CACNA1D: variants seen among roughly 807,000 people sequenced by gnomAD.
The protein encoded by CACNA1D is voltage-dependent L-type calcium channel subunit alpha-1D.
A neutral mutation model predicts 257.1 loss-of-function variants in CACNA1D; 55 were observed. That is an observed-to-expected ratio of 0.21 (90% confidence interval 0.17 to 0.27). The LOEUF (loss-of-function observed/expected upper bound fraction) is 0.27, where lower values mean the gene tolerates loss of function less well. CACNA1D is among the 10% of genes least tolerant of loss of function. The probability of loss-of-function intolerance (pLI) is 1.00; values close to 1 mark genes in which losing one functional copy is unlikely to be tolerated. For missense variants in CACNA1D, 1,876 were observed against 2,784.0 expected (o/e 0.67, Z 7.34); for synonymous variants, 980 against 1,014.9 (o/e 0.97, Z 0.65).
chr3:53,606,014 C>T (rs768781118), intron 3 of CACNA1D, among the ~76,000 whole-genome samples: 14 of 152,148 alleles, frequency 9.2e-5, no homozygotes, highest in African/African-American at 1.9e-4. Flanking sequence ...ACTGTTACCC[C>T]GTGACTTAAA....
At chr3:53,625,340 A>G (rs2093744865) in intron 3 of CACNA1D, among the ~76,000 whole-genome samples, 1 of 152,130 alleles carries the variant, frequency 6.6e-6, no homozygotes, top group African/African-American at 2.4e-5. Flanking sequence ...GAGTTGGTGG[A>G]GGTATTCCCA....
At chr3:53,670,367 C>T (rs979262948) in intron 7 of CACNA1D, among the ~76,000 whole-genome samples, 8 of 151,994 alleles carry the variant, frequency 5.3e-5, no homozygotes, top group Non-Finnish European at 7.4e-5. Flanking sequence ...TTTTTTGAGA[C>T]GGAGTTTTGC....
intron 3 of CACNA1D, among the ~76,000 whole-genome samples, chr3:53,554,569 G>A (rs139003425): frequency 3.3e-5 from 5 of 152,254 alleles, no homozygotes; most frequent in East Asian, 1.9e-4. Flanking sequence ...CTTAGATTTC[G>A]TTACCGTTTC....
intron 8 of CACNA1D, among the ~76,000 whole-genome samples, chr3:53,696,866 T>G (rs531257193): frequency 3.5e-4 from 54 of 152,296 alleles, no homozygotes; most frequent in African/African-American, 1.3e-3. Context: ...GCATCTGACC[T>G]TCATCCTTGA....
chr3:53,584,039 T>C (rs998795664), intron 3 of CACNA1D, among the ~76,000 whole-genome samples: 4 of 152,092 alleles, frequency 2.6e-5, no homozygotes, highest in Admixed American at 6.6e-5. Context: ...ATAGGTGGGG[T>C]CTGGACATCC....
At position 53,784,068 on chromosome 3, in the gene CACNA1D, A is replaced by C. The variant is rs2095440220; in HGVS notation, c.4792+2401A>C. Among the ~76,000 whole-genome samples the C allele has an allele frequency of 2.0e-5, 3 of 152,336 alleles. No individual in the cohort carries two copies. In the South Asian group the frequency reaches 6.2e-4, roughly 32 times the overall value. ...TGTGGCCTGGCTCCTCATGAGCCTGATGATGAGATCAGGAATGAGCTGTGG... is the reference window on the plus strand; with the variant it reads ...TGTGGCCTGGCTCCTCATGAGCCTGCTGATGAGATCAGGAATGAGCTGTGG... On this transcript the variant is annotated intron_variant, in intron 39 of 47. Transcript: ENST00000350061.
intron 3 of CACNA1D, among the ~76,000 whole-genome samples, chr3:53,551,580 C>T (rs575160478): frequency 3.3e-5 from 5 of 152,322 alleles, no homozygotes; most frequent in African/African-American, 7.2e-5. Flanking sequence ...TGCTACCTAC[C>T]GTGGTGGATG....
At chr3:53,620,783 C>T (rs1235536907) in intron 3 of CACNA1D, among the ~76,000 whole-genome samples, 4 of 152,196 alleles carry the variant, frequency 2.6e-5, no homozygotes, top group Admixed American at 6.5e-5. Flanking sequence ...CCTGGATTTG[C>T]ATAACAGAAA....
At chr3:53,713,765 A>G (rs1483913778) in intron 9 of CACNA1D, among the ~76,000 whole-genome samples, 3 of 152,214 alleles carry the variant, frequency 2.0e-5, no homozygotes, top group South Asian at 4.1e-4. Flanking sequence ...ACCCACATCC[A>G]CAGAGTGCTC....
intron 8 of CACNA1D, among the ~76,000 whole-genome samples, chr3:53,680,156 A>G (rs1354363074): frequency 6.6e-6 from 1 of 152,128 alleles, no homozygotes; most frequent in Non-Finnish European, 1.5e-5. Flanking sequence ...GCTTACAGCT[A>G]CTGTTTCCAT....
At chr3:53,718,502 G>T in intron 10 of CACNA1D, 114 bp downstream of exon 10, 18 of 1,098,188 alleles carry the variant, frequency 1.6e-5, no homozygotes, top group Non-Finnish European at 2.3e-5. Context: ...TGGGTGTGGC[G>T]GGTGGGAAGG....
chr3:53,557,682 A>G (rs1253774161), intron 3 of CACNA1D, among the ~76,000 whole-genome samples: 32 of 152,164 alleles, frequency 2.1e-4, no homozygotes. Flanking sequence ...ACTTGGCCAT[A>G]CTTGACTCTA....
At chr3:53,744,342 C>A (rs924069922) in intron 22 of CACNA1D, among the ~76,000 whole-genome samples, 1 of 152,196 alleles carries the variant, frequency 6.6e-6, no homozygotes, top group African/African-American at 2.4e-5. Context: ...CTGTGAGCTC[C>A]TTGAAGGCCA....
intron 30 of CACNA1D, chr3:53,762,504 T>C (rs2095309397): frequency 8.8e-6 from 4 of 452,412 alleles, no homozygotes; most frequent in African/African-American, 2.0e-5. Context: ...TCTTTTTTCC[T>C]GTGGTGCTTC....
intron 9 of CACNA1D, among the ~76,000 whole-genome samples, chr3:53,714,214 T>A (rs1171523778): frequency 6.6e-6 from 1 of 152,152 alleles, no homozygotes; most frequent in Non-Finnish European, 1.5e-5. Flanking sequence ...TGGCCCCTGG[T>A]GCTTATTTCT....
At chr3:53,750,056 G>A (rs752249386) in intron 27 of CACNA1D, among the ~76,000 whole-genome samples, 6 of 152,204 alleles carry the variant, frequency 3.9e-5, no homozygotes, top group Non-Finnish European at 7.3e-5. Flanking sequence ...ACTGCTGACC[G>A]AGGGGGGAAT....
At chr3:53,792,430 A>C (rs1355850971) in intron 40 of CACNA1D, 3 of 152,204 alleles carry the variant, frequency 2.0e-5, no homozygotes. Context: ...GAATCTAAAA[A>C]AATTGAAGTA....
intron 3 of CACNA1D, among the ~76,000 whole-genome samples, chr3:53,628,622 A>G (rs1294167004): frequency 6.6e-6 from 1 of 152,224 alleles, no homozygotes; most frequent in African/African-American, 2.4e-5. Flanking sequence ...TCTTAAAAAA[A>G]ATCTCTAAGT....
intron 3 of CACNA1D, among the ~76,000 whole-genome samples, chr3:53,616,459 C>T (rs1245117669): frequency 2.0e-5 from 3 of 152,214 alleles, no homozygotes; most frequent in Admixed American, 6.5e-5. Flanking sequence ...CAGAGGCTCA[C>T]ACGCACATTC....
Sources: allele counts gnomAD v4.1 joint callset (sites outside exome capture counted in the v4.1 genomes callset), GRCh38; gene constraint gnomAD v4.1.1; transcripts MANE v1.5; gene names NCBI Gene and HGNC (gene_info 2026-07-23, HGNC 2026-07-21).